The following SDK1 variants were observed in gnomAD, a reference collection of about 807,000 sequenced individuals.
The protein encoded by SDK1 is sidekick cell adhesion molecule 1.
A neutral mutation model predicts 245.5 loss-of-function variants in SDK1; 157 were observed. That is an observed-to-expected ratio of 0.64 (90% CI 0.56 to 0.73). The LOEUF is 0.73. SDK1 is among the 30% of genes least tolerant of loss of function. SDK1 has a pLI of 0.00. For missense variants in SDK1, 3,583 were observed against 3,002.3 expected (o/e 1.19, Z -4.52); for synonymous variants, 1,647 against 1,278.5 (o/e 1.29, Z -6.15).
chr7:4,089,052 T>TCTCCCTCAGGTGGAGGTGAGACC (rs1562792711), intron 22 of SDK1, among the ~76,000 whole-genome samples: 16 of 139,586 alleles, frequency 1.1e-4, no homozygotes, highest in Admixed American at 7.2e-4. Context: ...GAGGTGAGAC[T>TCTCCCTCAGGTGGAGGTGAGACC]CTCCCTCAGG....
At chr7:3,656,601 C>CTG (rs1211489478) in intron 4 of SDK1, among the ~76,000 whole-genome samples, 1 of 152,138 alleles carries the variant, frequency 6.6e-6, no homozygotes, top group Non-Finnish European at 1.5e-5. Flanking sequence ...TCTGGTGACA[C>CTG]TGCAGGATAC....
chr7:4,236,159 CT>C (rs1407516292), intron 41 of SDK1, among the ~76,000 whole-genome samples: 1 of 152,218 alleles, frequency 6.6e-6, no homozygotes, highest in African/African-American at 2.4e-5. Context: ...CTTCGGGTGG[CT>C]GTGTTTGGAA....
chr7:4,246,867 G>C (rs1786901494), intron 44 of SDK1, among the ~76,000 whole-genome samples: 1 of 152,154 alleles, frequency 6.6e-6, no homozygotes, highest in African/African-American at 2.4e-5. Flanking sequence ...TTTTTCCTGT[G>C]CCAGGTCCTG....
intron 22 of SDK1, among the ~76,000 whole-genome samples, chr7:4,097,200 T>C (rs1047258745): frequency 6.6e-6 from 1 of 150,452 alleles, no homozygotes; most frequent in African/African-American, 2.5e-5. Context: ...CAAACAAAGA[T>C]GGCAAGACGG....
chr7:3,952,199 A>T (rs970864198), intron 7 of SDK1: 1 of 445,990 alleles, frequency 2.2e-6, no homozygotes, highest in Non-Finnish European at 4.0e-6. Flanking sequence ...CCCCTGTCAT[A>T]TAGATCCCTC....
chr7:4,223,197 G>C (rs1785239814), intron 40 of SDK1, among the ~76,000 whole-genome samples: 2 of 152,176 alleles, frequency 1.3e-5, no homozygotes, highest in Non-Finnish European at 2.9e-5. Flanking sequence ...TAACAAATAG[G>C]ATCCAGGCGT....
intron 1 of SDK1, among the ~76,000 whole-genome samples, chr7:3,454,088 A>AT (rs1349640760): frequency 6.6e-6 from 1 of 152,174 alleles, no homozygotes; most frequent in African/African-American, 2.4e-5. Context: ...CTTATTTCCT[A>AT]TTCACAGTAC....
At chr7:4,103,851 T>C (rs1782737736) in intron 22 of SDK1, among the ~76,000 whole-genome samples, 1 of 152,274 alleles carries the variant, frequency 6.6e-6, no homozygotes, top group Admixed American at 6.5e-5. Flanking sequence ...CCACACTTTC[T>C]GTAAAGGTCC....
chr7:4,101,036 A>C (rs7810664), intron 22 of SDK1, among the ~76,000 whole-genome samples: 1 of 152,146 alleles, frequency 6.6e-6, no homozygotes, highest in Non-Finnish European at 1.5e-5. Context: ...CCTTTAGGCC[A>C]GTGCTCTCCG....
chr7:3,375,001 C>T (rs561340847), intron 1 of SDK1, among the ~76,000 whole-genome samples: 29 of 152,238 alleles, frequency 1.9e-4, no homozygotes, highest in African/African-American at 7.0e-4. Flanking sequence ...ACATAGTAGA[C>T]ATTCGTTAAA....
At chr7:3,865,114 G>T (rs539201303) in intron 5 of SDK1, among the ~76,000 whole-genome samples, 1 of 152,316 alleles carries the variant, frequency 6.6e-6, no homozygotes, top group Non-Finnish European at 1.5e-5. Context: ...TAGAAAGGAA[G>T]GGCATGTCAT....
At chr7:4,078,873 A>G (rs1584049647) in intron 21 of SDK1, among the ~76,000 whole-genome samples, 1 of 152,078 alleles carries the variant, frequency 6.6e-6, no homozygotes, top group East Asian at 1.9e-4. Flanking sequence ...GAGAAAGGAG[A>G]GTTCTGCACT....
intron 4 of SDK1, among the ~76,000 whole-genome samples, chr7:3,723,715 T>C (rs907204613): frequency 1.3e-5 from 2 of 151,644 alleles, no homozygotes; most frequent in East Asian, 1.9e-4. Context: ...CATATACACG[T>C]GTATATACAC....
intron 4 of SDK1, among the ~76,000 whole-genome samples, chr7:3,761,563 A>G (rs1414427187): frequency 6.6e-6 from 1 of 151,322 alleles, no homozygotes; most frequent in Non-Finnish European, 1.5e-5. Flanking sequence ...CAAAAAAAAA[A>G]AAAATAATAA....
intron 1 of SDK1, among the ~76,000 whole-genome samples, chr7:3,490,805 A>G (rs1781842104): frequency 1.3e-5 from 2 of 152,190 alleles, no homozygotes; most frequent in Admixed American, 1.3e-4. Context: ...ACATTTGGGT[A>G]GATGCCCAAA....
At chr7:3,345,099 G>C (rs1250844331) in intron 1 of SDK1, among the ~76,000 whole-genome samples, 1 of 152,160 alleles carries the variant, frequency 6.6e-6, no homozygotes, top group Non-Finnish European at 1.5e-5. Flanking sequence ...TAGAACTTCG[G>C]GTCTCCACGG....
chr7:3,496,798 C>A, intron 1 of SDK1, among the ~76,000 whole-genome samples: 1 of 152,132 alleles, frequency 6.6e-6, no homozygotes, highest in East Asian at 1.9e-4. Context: ...AGTGGAGGTA[C>A]ACAAATTCAA....
intron 1 of SDK1, among the ~76,000 whole-genome samples, chr7:3,456,517 A>G (rs1413226734): frequency 6.6e-6 from 1 of 152,216 alleles, no homozygotes; most frequent in Non-Finnish European, 1.5e-5. Context: ...CAGTGAGTTT[A>G]TCTTTCAGTT....
chr7:3,796,525 C>A (rs573702061), intron 4 of SDK1, among the ~76,000 whole-genome samples: 14 of 151,904 alleles, frequency 9.2e-5, no homozygotes, highest in South Asian at 2.1e-4. Context: ...CCTCTCCCCC[C>A]CAGCCTACAA....
Sources: allele counts gnomAD v4.1 joint callset (sites outside exome capture counted in the v4.1 genomes callset), GRCh38; gene constraint gnomAD v4.1.1; transcripts MANE v1.5; gene names NCBI Gene and HGNC (gene_info 2026-07-23, HGNC 2026-07-21).